The following NPAS2 variants were observed in gnomAD, a reference collection of about 807,000 sequenced individuals.
NPAS2 encodes neuronal PAS domain-containing protein 2.
In NPAS2, 23 loss-of-function variants were observed where a neutral mutation model predicts 107.5. That is an observed-to-expected ratio of 0.21 (90% CI 0.15 to 0.30). The LOEUF is 0.30. Among genes scored for constraint, NPAS2 ranks in the 10% least tolerant of loss-of-function variants. The pLI is 1.00. For missense variants in NPAS2, 756 were observed against 1,043.3 expected (o/e 0.72, Z 3.79); for synonymous variants, 403 against 417.5 (o/e 0.97, Z 0.42).
chr2:100,867,812 A>G (rs1250127043), intron 1 of NPAS2, among the ~76,000 whole-genome samples: 2 of 152,134 alleles, frequency 1.3e-5, no homozygotes, highest in Non-Finnish European at 2.9e-5. Context: ...AAGTGCTGGG[A>G]CTACAGACAT....
chr2:100,841,094 T>C (rs1420081129), intron 1 of NPAS2, among the ~76,000 whole-genome samples: 1 of 152,172 alleles, frequency 6.6e-6, no homozygotes, highest in Non-Finnish European at 1.5e-5. Context: ...AGCCCTACAG[T>C]TGTGCCTGGC....
chr2:100,867,453 T>G (rs1001104359), intron 1 of NPAS2, among the ~76,000 whole-genome samples: 6 of 152,232 alleles, frequency 3.9e-5, no homozygotes, highest in Non-Finnish European at 7.3e-5. Flanking sequence ...TATGCTTATA[T>G]GCTACTAAGT....
intron 4 of NPAS2, among the ~76,000 whole-genome samples, chr2:100,936,917 G>A (rs1291352359): frequency 6.6e-6 from 1 of 150,668 alleles, no homozygotes; most frequent in African/African-American, 2.4e-5. Context: ...GGGAAGCAGA[G>A]GTGGCAGTGA....
chr2:100,972,060 G>A (rs1676611077), intron 12 of NPAS2, among the ~76,000 whole-genome samples: 1 of 150,854 alleles, frequency 6.6e-6, no homozygotes, highest in Admixed American at 6.6e-5. Context: ...CAATTTTCCT[G>A]CCTTAGTCTC....
At chr2:100,974,310 A>T (rs748585842) in intron 12 of NPAS2, among the ~76,000 whole-genome samples, 1 of 152,024 alleles carries the variant, frequency 6.6e-6, no homozygotes, top group Non-Finnish European at 1.5e-5. Context: ...AAGACAGGAG[A>T]CCCCTTGCCC....
Position 100,995,775 on chromosome 2 carries a change from C to T in NPAS2, c.*193C>T, listed in dbSNP as rs574112867. 2.3e-5 allele frequency: 36 copies of T among 1,548,902 alleles called. No homozygotes were observed. The highest frequency in any genetic ancestry group is 4.9e-5 in the East Asian group (2 of 40,894). On this transcript the variant is annotated 3_prime_UTR_variant, in exon 21 of 21. Coordinates refer to ENST00000335681, the MANE Select transcript of NPAS2 (RefSeq NM_002518.4). ...AGTGGAAATGATCAGGAATACTGAC[C>T]GTGTTTCTCTTGCCTCCGAGGTTCT... is the stretch of plus-strand genomic sequence containing the variant.
intron 1 of NPAS2, among the ~76,000 whole-genome samples, chr2:100,893,895 AG>A (rs1681240934): frequency 6.6e-6 from 1 of 152,198 alleles, no homozygotes; most frequent in Non-Finnish European, 1.5e-5. Flanking sequence ...TTTGGAGAAA[AG>A]GGTTGCTACC....
intron 1 of NPAS2, among the ~76,000 whole-genome samples, chr2:100,832,920 G>A (rs1370924862): frequency 2.0e-5 from 3 of 152,124 alleles, no homozygotes; most frequent in Non-Finnish European, 4.4e-5. Flanking sequence ...TGAAGCAACG[G>A]CATCTCTTTG....
At chr2:100,969,378 G>A (rs1246457182) in intron 11 of NPAS2, among the ~76,000 whole-genome samples, 2 of 151,958 alleles carry the variant, frequency 1.3e-5, no homozygotes, top group Non-Finnish European at 2.9e-5. Flanking sequence ...GTCAGGCCCC[G>A]GTGTGTGATG....
At chr2:100,939,197 A>T (rs1296330791) in intron 5 of NPAS2, among the ~76,000 whole-genome samples, 1 of 152,176 alleles carries the variant, frequency 6.6e-6, no homozygotes, top group African/African-American at 2.4e-5. Context: ...CTGTGTGCAG[A>T]TCGAAGCCGC....
intron 1 of NPAS2, among the ~76,000 whole-genome samples, chr2:100,904,345 T>G (rs1234878789): frequency 2.0e-5 from 3 of 152,246 alleles, no homozygotes; most frequent in Non-Finnish European, 2.9e-5. Context: ...CTGAAGACCC[T>G]TGGGGTCCTT....
At chr2:100,882,941 G>A (rs1419388170) in intron 1 of NPAS2, among the ~76,000 whole-genome samples, 1 of 152,156 alleles carries the variant, frequency 6.6e-6, no homozygotes, top group African/African-American at 2.4e-5. Flanking sequence ...TCTTTTTAGA[G>A]GAGAAACTGA....
At chr2:100,974,650 C>G (rs767521899) in intron 12 of NPAS2, among the ~76,000 whole-genome samples, 153 bp from the exon 13 acceptor site, 1 of 152,234 alleles carries the variant, frequency 6.6e-6, no homozygotes, top group African/African-American at 2.4e-5. Flanking sequence ...TATGTATATA[C>G]TCTACCCAAG....
chr2:100,862,775 G>A (rs1340715109), intron 1 of NPAS2, among the ~76,000 whole-genome samples: 1 of 152,200 alleles, frequency 6.6e-6, no homozygotes, highest in African/African-American at 2.4e-5. Flanking sequence ...GGGGCAGACA[G>A]TGCTCCACTT....
chr2:100,822,960 C>G (rs1676161644), intron 1 of NPAS2, among the ~76,000 whole-genome samples: 2 of 152,138 alleles, frequency 1.3e-5, no homozygotes, highest in Non-Finnish European at 1.5e-5. Flanking sequence ...ACAGAAGTGT[C>G]TGATTAGCAT....
intron 15 of NPAS2, among the ~76,000 whole-genome samples, chr2:100,979,496 ATATATATTT>A (rs1276692079): frequency 1.5e-4 from 9 of 60,710 alleles, no homozygotes; most frequent in South Asian, 7.5e-4. Flanking sequence ...ATATATATAT[ATATATATTT>A]TTTTTTTTTT....
chr2:100,881,652 C>T (rs55880000), intron 1 of NPAS2, among the ~76,000 whole-genome samples: 7,840 of 152,064 alleles, frequency 0.052, 667 homozygotes, highest in African/African-American at 0.18. Flanking sequence ...CAGCACTGCA[C>T]TCCAGCCTGG....
At chr2:100,865,449 A>C (rs529014549) in intron 1 of NPAS2, among the ~76,000 whole-genome samples, 15 of 152,260 alleles carry the variant, frequency 9.9e-5, no homozygotes, top group Non-Finnish European at 1.6e-4. Flanking sequence ...TGCTGCCTGC[A>C]CTGTTGACCT....
intron 12 of NPAS2, among the ~76,000 whole-genome samples, chr2:100,973,884 C>A (rs149804164): frequency 3.3e-5 from 5 of 152,146 alleles, no homozygotes; most frequent in African/African-American, 1.2e-4. Context: ...CTATGTTGCC[C>A]AGGCTGGAGT....
Sources: gnomAD v4.1 joint callset for allele counts (sites outside exome capture counted in the v4.1 genomes callset) on GRCh38, gnomAD v4.1.1 for gene constraint, MANE v1.5 for transcripts, NCBI Gene and HGNC (gene_info 2026-07-23, HGNC 2026-07-21) for gene names.